DMD: variants seen among roughly 807,000 people sequenced by gnomAD.
DMD encodes the protein dystrophin.
Under a neutral mutation model 330.1 loss-of-function variants are expected in DMD, and 63 were observed. The observed-to-expected ratio is 0.19, with a 90% CI of 0.16 to 0.24. The LOEUF (loss-of-function observed/expected upper bound fraction) is 0.24, where lower values mean the gene tolerates loss of function less well. DMD is among the 10% of genes least tolerant of loss of function. The pLI, the probability that DMD is intolerant of heterozygous loss-of-function variation, is 1.00. For missense variants in DMD, 3,344 were observed against 2,684.1 expected, an observed-to-expected ratio of 1.25 and a Z score of -5.43; for synonymous variants, 1,223 against 959.8, an observed-to-expected ratio of 1.27 and a Z score of -5.07.
intron 47 of DMD, among the ~76,000 whole-genome samples, chrX:31,926,721 G>A (rs1284625117): frequency 9.0e-6 from 1 of 111,307 alleles, no homozygotes; most frequent in African/African-American, 3.3e-5. Flanking sequence ...CAAGAGTAAG[G>A]GGTCAGTTGG....
intron 2 of DMD, 97 bp downstream of exon 2, chrX:33,020,042 G>A: frequency 1.6e-6 from 1 of 638,096 alleles, no homozygotes; most frequent in East Asian, 3.6e-5. Flanking sequence ...GACACTATGA[G>A]AGAAATAAAA....
intron 1 of DMD, among the ~76,000 whole-genome samples, chrX:33,289,162 C>G (rs955111912): frequency 9.0e-6 from 1 of 111,024 alleles, no homozygotes; most frequent in Admixed American, 9.6e-5. Context: ...CTTTGAATTG[C>G]AAGTATAAAG....
At chrX:32,537,815 C>G (rs190743056) in intron 17 of DMD, among the ~76,000 whole-genome samples, 5 of 112,468 alleles carry the variant, frequency 4.4e-5, no homozygotes, top group African/African-American at 9.7e-5. Flanking sequence ...TATGTAACAG[C>G]TCTGGGAATG....
chrX:32,684,343 A>G (rs900546533), intron 9 of DMD, among the ~76,000 whole-genome samples: 4 of 111,758 alleles, frequency 3.6e-5, no homozygotes, highest in Non-Finnish European at 7.5e-5. Flanking sequence ...TATTAAGTAT[A>G]TAACTATAGC....
chrX:31,712,070 G>A (rs1385458540), intron 52 of DMD, among the ~76,000 whole-genome samples: 3 of 111,431 alleles, frequency 2.7e-5, no homozygotes, highest in Non-Finnish European at 5.7e-5. Flanking sequence ...AAAATTCATA[G>A]AAGAGAGGAT....
At chrX:31,311,716 T>C (rs777620345) in intron 62 of DMD, among the ~76,000 whole-genome samples, 4 of 111,731 alleles carry the variant, frequency 3.6e-5, no homozygotes, top group East Asian at 2.8e-4. Flanking sequence ...GGGAATAGCA[T>C]TGAATCTATA....
intron 1 of DMD, among the ~76,000 whole-genome samples, chrX:33,226,052 G>C (rs1370885768): frequency 1.8e-5 from 2 of 111,447 alleles, no homozygotes; most frequent in Non-Finnish European, 3.8e-5. Context: ...GAATGGCTAA[G>C]TTAAAAAATA....
intron 37 of DMD, among the ~76,000 whole-genome samples, chrX:32,358,253 TA>T (rs1448130222): frequency 9.0e-6 from 1 of 110,953 alleles, no homozygotes; most frequent in East Asian, 2.8e-4. Flanking sequence ...CTGTCATAAT[TA>T]ATATGAATAA....
chrX:31,928,593 G>A (rs1180094672), intron 47 of DMD, among the ~76,000 whole-genome samples: 1 of 109,438 alleles, frequency 9.1e-6, no homozygotes, highest in Admixed American at 9.8e-5. Flanking sequence ...GCGACACAGC[G>A]AGACTCTGTC....
intron 62 of DMD, among the ~76,000 whole-genome samples, chrX:31,280,388 A>G (rs1254607698): frequency 4.5e-5 from 5 of 111,839 alleles, no homozygotes; most frequent in African/African-American, 1.6e-4. Flanking sequence ...ATTCTTGAAA[A>G]TGCAAAGTAA....
intron 50 of DMD, among the ~76,000 whole-genome samples, chrX:31,787,215 T>C (rs1265436928): frequency 1.8e-5 from 2 of 110,154 alleles, no homozygotes; most frequent in Non-Finnish European, 3.8e-5. Flanking sequence ...CTACTAAAAG[T>C]ACAAAATTAG....
At chrX:31,723,660 A>ACACACACACACACACACACACC (rs2085762724) in intron 52 of DMD, among the ~76,000 whole-genome samples, 1 of 108,310 alleles carries the variant, frequency 9.2e-6, no homozygotes, top group Non-Finnish European at 1.9e-5. Context: ...ACACACACAC[A>ACACACACACACACACACACACC]CACACACACT....
intron 2 of DMD, among the ~76,000 whole-genome samples, chrX:32,988,098 G>T (rs1341254364): frequency 9.0e-6 from 1 of 110,693 alleles, no homozygotes; most frequent in East Asian, 2.8e-4. Context: ...GTGTACTTGT[G>T]TGTGTGCACA....
intron 78 of DMD, 43 bp from the exon 79 acceptor site, chrX:31,121,973 C>G: frequency 1.0e-6 from 1 of 977,764 alleles, no homozygotes; most frequent in Non-Finnish European, 1.5e-6. Flanking sequence ...ACAAAAGGTG[C>G]AGATAGATAG....
At chrX:32,352,225 C>A (rs2097784047) in intron 37 of DMD, among the ~76,000 whole-genome samples, 1 of 110,385 alleles carries the variant, frequency 9.1e-6, no homozygotes, top group Non-Finnish European at 1.9e-5. Context: ...GGAACAAAAT[C>A]CTTTTCACAC....
chrX:31,772,159 C>T (rs1402626951), intron 51 of DMD, among the ~76,000 whole-genome samples: 1 of 112,427 alleles, frequency 8.9e-6, no homozygotes, highest in Admixed American at 9.4e-5. Context: ...TAATTACTAA[C>T]ATTTGTTCAA....
intron 55 of DMD, among the ~76,000 whole-genome samples, chrX:31,617,534 CAAAAAAAAAAAA>C (rs749572753): frequency 0.12 from 3,699 of 32,049 alleles, 101 homozygotes; most frequent in Middle Eastern, 0.26. Flanking sequence ...GACTTCGTCT[CAAAAAAAAAAAA>C]AAAAAAAAAA....
intron 47 of DMD, among the ~76,000 whole-genome samples, chrX:31,922,527 C>T (rs868054233): frequency 7.7e-4 from 39 of 50,565 alleles, no homozygotes; most frequent in Non-Finnish European, 7.4e-4. Context: ...TGTGTGTGTG[C>T]GCGCGCGTGC....
chrX:32,684,000 C>A (rs1421195211), intron 9 of DMD, among the ~76,000 whole-genome samples: 5 of 82,118 alleles, frequency 6.1e-5, no homozygotes, highest in Non-Finnish European at 4.0e-5. Flanking sequence ...ATACAAAACA[C>A]ACACACACAC....
Sources: gnomAD v4.1 joint callset for allele counts (sites outside exome capture counted in the v4.1 genomes callset) on GRCh38, gnomAD v4.1.1 for gene constraint, MANE v1.5 for transcripts, NCBI Gene and HGNC (gene_info 2026-07-23, HGNC 2026-07-21) for gene names.